NCF4: variants seen among roughly 807,000 people sequenced by gnomAD.
NCF4 encodes neutrophil cytosolic factor 4.
Under a neutral mutation model 41.7 loss-of-function variants are expected in NCF4, and 30 were observed. The observed-to-expected ratio is 0.72, with a 90% confidence interval of 0.54 to 0.97. NCF4 has a LOEUF of 0.97. Among genes scored for constraint, NCF4 ranks in the 50% least tolerant of loss-of-function variants. The pLI is 0.00. For synonymous variants in NCF4, 195 were observed against 175.8 expected, an observed-to-expected ratio of 1.11 and a Z score of -0.87; for missense variants, 432 against 460.9, an observed-to-expected ratio of 0.94 and a Z score of 0.57.
At chr22:36,877,095 C>T (rs1940209565) in intron 9 of NCF4, among the ~76,000 whole-genome samples, 2 of 152,166 alleles carry the variant, frequency 1.3e-5, no homozygotes, top group African/African-American at 2.4e-5. Context: ...ATACACGAGA[C>T]ATTTCAGGCT....
intron 4 of NCF4, among the ~76,000 whole-genome samples, chr22:36,869,130 A>C (rs2284028): frequency 0.084 from 12,771 of 152,248 alleles, 1,473 homozygotes; most frequent in African/African-American, 0.26. Context: ...GTTAAGTGTG[A>C]CAGAGCAGTT....
chr22:36,864,972 C>T lies in NCF4; in HGVS notation c.171C>T (p.Arg57=). The change falls in exon 3 of 10, where the codon CGC becomes CGT. Residue 57 remains arginine (R), a synonymous_variant. Transcript: ENST00000248899. The part of the protein sequence containing the change: ...TKGGSKYLIY[R]RYRQFHALQS... ...GAGGATCCAAGTACCTCATCTACCGCCGCTACCGCCAGTTCCATGCTTTGC... is the reference window on the plus strand; with the variant it reads ...GAGGATCCAAGTACCTCATCTACCGTCGCTACCGCCAGTTCCATGCTTTGC... The T allele has an allele frequency of 3.1e-6, 5 of 1,614,152 alleles. No homozygotes were observed. The highest frequency in any genetic ancestry group is 1.1e-5 in the South Asian group (1 of 91,088).
At chr22:36,866,107 A>T (rs1312708227) in intron 3 of NCF4, among the ~76,000 whole-genome samples, 1 of 152,176 alleles carries the variant, frequency 6.6e-6, no homozygotes, top group Admixed American at 6.5e-5. Flanking sequence ...GCCATGAAAC[A>T]GCATTCTTAC....
In NCF4 at chr22:36,861,077, C is replaced by T. The variant is rs148141762; in HGVS notation, c.-95C>T. The T allele has an allele frequency of 2.4e-3, 3,635 of 1,499,536 alleles. 79 individuals carry two copies. The African/African-American group carries it at 0.044, about 18-fold the overall frequency. The allele number at this position is 1,499,536 out of a possible 1,614,324, so 92.9% of individuals were successfully genotyped here. Reference sequence around the variant, plus strand: ...GGACTCCCAGGACCACAGGCTGAGACGAGACGCAGGGTGGCTGGAGGAAGT... The same window carrying T: ...GGACTCCCAGGACCACAGGCTGAGATGAGACGCAGGGTGGCTGGAGGAAGT... On this transcript the variant is annotated 5_prime_UTR_variant, in exon 1 of 10. The change creates a new upstream start codon in the 5' untranslated region. Transcript: ENST00000248899.
intron 9 of NCF4, among the ~76,000 whole-genome samples, 167 bp from the exon 10 acceptor site, chr22:36,877,460 AT>A (rs1940217308): frequency 1.3e-5 from 2 of 152,070 alleles, no homozygotes; most frequent in Admixed American, 1.3e-4. Context: ...AGGCCTCGAT[AT>A]CCCCATCTGT....
In NCF4 at chr22:36,865,199, CT is replaced by C. The variant is rs573185407; in HGVS notation, c.271+128del. ...CTGTTCATGTAGTTTATAGCCCCCA[CT>C]CCCGGCAGTTACAGGCTGCCAAGCC... is the stretch of plus-strand genomic sequence containing the variant. On this transcript the variant is annotated intron_variant, in intron 3 of 9. Coordinates refer to ENST00000248899, the MANE Select transcript of NCF4 (RefSeq NM_000631.5). This position sits in a 1 kb window ranked among gnomAD's most constrained non-coding sequence, Gnocchi z 4.3. 2.0e-3 allele frequency: 2,745 copies of C among 1,386,556 alleles called. 13 individuals are homozygous for C. Among genetic ancestry groups the C allele is most frequent in the Middle Eastern group, 5.4e-3 (22 of 4,066 alleles). The allele number at this position is 1,386,556 out of a possible 1,614,324, so 85.9% of individuals were successfully genotyped here. A position where few individuals can be genotyped will look rare whatever the true frequency, so the allele number is the denominator to read the frequency against.
chr22:36,870,567 C>T lies in NCF4; in HGVS notation c.470+25C>T, dbSNP rs745580726. The T allele has an allele frequency of 8.1e-6, 13 of 1,608,336 alleles. No homozygotes were observed. In the East Asian group the frequency reaches 2.7e-4, roughly 33 times the overall value. The stretch of plus-strand genomic sequence containing the variant: ...TGTAAGTGACCAGCCCCTGGGCTTC[C>T]ACATGGCCAGAGCCCTGGGTCCCTG... On this transcript the variant is annotated intron_variant, in intron 5 of 9. Transcript: ENST00000248899.
intron 4 of NCF4, 155 bp from the exon 5 acceptor site, chr22:36,870,260 C>T (rs1049587034): frequency 9.0e-7 from 1 of 1,111,648 alleles, no homozygotes; most frequent in Non-Finnish European, 1.3e-6. Flanking sequence ...GCTGAGTTTT[C>T]TTATTCTTTT....
intron 3 of NCF4, among the ~76,000 whole-genome samples, chr22:36,866,190 G>A (rs545586623): frequency 2.0e-5 from 3 of 151,758 alleles, no homozygotes; most frequent in Non-Finnish European, 2.9e-5. Context: ...TCAAATTCAC[G>A]CACTGTCTCA....
rs568695523 is a variant in NCF4, at chr22:36,861,977, G to A, written c.32+774G>A. On this transcript the variant is annotated intron_variant, in intron 1 of 9. Transcript: ENST00000248899. ...ACAGATTGGAAATCTGAGGCCCAGGGAGGATAAGAGACTTACTCAGGGTCA... is the reference window on the plus strand; with the variant it reads ...ACAGATTGGAAATCTGAGGCCCAGGAAGGATAAGAGACTTACTCAGGGTCA... Among the ~76,000 whole-genome samples the A allele has an allele frequency of 2.6e-5, 4 of 152,348 alleles. No homozygotes were observed. In the South Asian group the frequency reaches 8.3e-4, roughly 32 times the overall value.
chr22:36,875,623 C>T (rs973903595), intron 7 of NCF4, 30 bp from the exon 8 acceptor site: 4 of 1,603,598 alleles, frequency 2.5e-6, no homozygotes, highest in Non-Finnish European at 3.4e-6. Context: ...CTCCTCTCAC[C>T]AGCATGGCAT....
intron 1 of NCF4, among the ~76,000 whole-genome samples, chr22:36,863,413 C>G (rs746433408): frequency 6.6e-6 from 1 of 151,424 alleles, no homozygotes. Flanking sequence ...GCCTATGCCT[C>G]GAGCATCTGC....
Position 36,865,635 on chromosome 22 carries a change from C to T in NCF4, c.271+563C>T, listed in dbSNP as rs1264675018. On this transcript the variant is annotated intron_variant, in intron 3 of 9. Coordinates refer to ENST00000248899, the MANE Select transcript of NCF4 (RefSeq NM_000631.5). This position sits in a 1 kb window ranked among gnomAD's most constrained non-coding sequence, Gnocchi z 4.3. Reference sequence around the variant, plus strand: ...GGATCCTAACGCGCACCTTGGACAGCGCCAAGCCCTTAGCTGCTCAGCACC... The same window carrying T: ...GGATCCTAACGCGCACCTTGGACAGTGCCAAGCCCTTAGCTGCTCAGCACC... 1.3e-5 allele frequency among the ~76,000 whole-genome samples: 2 copies of T among 152,030 alleles called. No individual in the cohort carries two copies. Among genetic ancestry groups the T allele is most frequent in the Non-Finnish European group, 2.9e-5 (2 of 68,016 alleles).
chr22:36,864,779 G>A (rs1939882746), intron 2 of NCF4, 140 bp from the exon 3 acceptor site: 20 of 977,292 alleles, frequency 2.0e-5, no homozygotes, highest in Non-Finnish European at 3.0e-5. Flanking sequence ...TGACTTGACA[G>A]GGGTCTCCTT....
In NCF4 at chr22:36,865,645, T is replaced by TTA. The variant is rs1482231795; in HGVS notation, c.271+574_271+575dup. 2.6e-5 allele frequency among the ~76,000 whole-genome samples: 4 copies of TTA among 152,102 alleles called. No homozygotes were observed. Among genetic ancestry groups the TTA allele is most frequent in the Non-Finnish European group, 5.9e-5 (4 of 68,016 alleles). On this transcript the variant is annotated intron_variant, in intron 3 of 9. Coordinates refer to ENST00000248899, the MANE Select transcript of NCF4 (RefSeq NM_000631.5). This position sits in a 1 kb window ranked among gnomAD's most constrained non-coding sequence, Gnocchi z 4.3. ...GCGCACCTTGGACAGCGCCAAGCCCTTAGCTGCTCAGCACCTGCCCCGCAG... is the reference window on the plus strand; with the variant it reads ...GCGCACCTTGGACAGCGCCAAGCCCTTATAGCTGCTCAGCACCTGCCCCGCAG...
intron 4 of NCF4, among the ~76,000 whole-genome samples, chr22:36,869,555 C>T (rs139242496): frequency 4.8e-3 from 729 of 152,324 alleles, no homozygotes; most frequent in Middle Eastern, 0.01. Flanking sequence ...CTGCTGCCCC[C>T]ATGGGATCCT....
chr22:36,861,965 C>T lies in NCF4; in HGVS notation c.32+762C>T, dbSNP rs184830500. 6.7e-4 allele frequency among the ~76,000 whole-genome samples: 102 copies of T among 152,352 alleles called. 1 individual carries two copies. Among genetic ancestry groups the T allele is most frequent in the African/African-American group, 2.4e-3 (100 of 41,590 alleles). ...CCTTGCCATTGTACAGATTGGAAAT[C>T]TGAGGCCCAGGGAGGATAAGAGACT... On this transcript the variant is annotated intron_variant, in intron 1 of 9. Coordinates refer to ENST00000248899, the MANE Select transcript of NCF4 (RefSeq NM_000631.5).
At chr22:36,871,394 G>C (rs550300135) in intron 5 of NCF4, among the ~76,000 whole-genome samples, 1 of 152,362 alleles carries the variant, frequency 6.6e-6, no homozygotes, top group South Asian at 2.1e-4. Flanking sequence ...CCGAATGAGC[G>C]TGTATCCCCT....
In NCF4 at chr22:36,877,510, T is replaced by C. The variant is rs1940218400; in HGVS notation, c.825-118T>C. On this transcript the variant is annotated intron_variant, in intron 9 of 9. Transcript: ENST00000248899. ...AGATTACTTGGATGACACGGGCTTG[T>C]ATCAGGCTCTGACTTTTTCTTACTC... 6 of 1,016,924 alleles carry C rather than the reference T, an allele frequency of 5.9e-6. No individual in the cohort carries two copies. The Admixed American group carries it at 1.1e-4, about 19-fold the overall frequency. 63.0% of individuals were successfully genotyped at this position (1,016,924 alleles called of 1,614,324 possible).
Sources: allele counts gnomAD v4.1 joint callset (sites outside exome capture counted in the v4.1 genomes callset), GRCh38; gene constraint gnomAD v4.1.1; non-coding constraint Gnocchi (gnomAD v3.1); transcripts MANE v1.5; gene names NCBI Gene and HGNC (gene_info 2026-07-23, HGNC 2026-07-21).